Variants in MYO1F observed in about 807,000 individuals in gnomAD.
The protein encoded by MYO1F is myosin IF.
A neutral mutation model predicts 146.6 loss-of-function variants in MYO1F; 60 were observed. That is an observed-to-expected ratio of 0.41 (90% CI 0.33 to 0.51). The LOEUF (loss-of-function observed/expected upper bound fraction) is 0.51, where lower values mean the gene tolerates loss of function less well. Among genes scored for constraint, MYO1F ranks in the 20% least tolerant of loss-of-function variants. The probability of loss-of-function intolerance (pLI) is 0.25; values close to 1 mark genes in which losing one functional copy is unlikely to be tolerated. For synonymous variants in MYO1F, 602 were observed against 602.1 expected (o/e 1.00, Z 0.00); for missense variants, 1,274 against 1,534.3 (o/e 0.83, Z 2.83).
Position 8,544,396 on chromosome 19 carries a change from T to G in MYO1F, c.1425A>C (p.Ala475=). ...CATMHATGGG[A]DQTLLQKLQA... ...GCAGCTTCTGCAGCAGTGTCTGGTC[T>G]GCTCCCCCGCCCGTGGCGTGCATGG... The change falls in exon 14 of 28, where the codon GCA becomes GCC. Residue 475 remains alanine, a synonymous_variant. Coordinates refer to ENST00000644032, the MANE Select transcript of MYO1F (RefSeq NM_012335.4). 3.1e-6 allele frequency: 5 copies of G among 1,613,062 alleles called. No homozygotes were observed. The highest frequency in any genetic ancestry group is 4.2e-6 in the Non-Finnish European group (5 of 1,179,866).
chr19:8,568,447 T>TAAAAAAAA (rs2042049292), intron 1 of MYO1F, among the ~76,000 whole-genome samples: 3 of 100,662 alleles, frequency 3.0e-5, no homozygotes, highest in African/African-American at 8.3e-5. Context: ...AAAAAAAAAT[T>TAAAAAAAA]AATCACAGGC....
intron 1 of MYO1F, among the ~76,000 whole-genome samples, chr19:8,567,947 T>A (rs2049090537): frequency 6.6e-6 from 1 of 152,242 alleles, no homozygotes; most frequent in African/African-American, 2.4e-5. Context: ...TGGGGTCAGC[T>A]GTGTCTGGCT....
At chr19:8,545,207 C>A (rs770582024) in intron 13 of MYO1F, among the ~76,000 whole-genome samples, 5 of 152,118 alleles carry the variant, frequency 3.3e-5, no homozygotes, top group Non-Finnish European at 7.3e-5. Flanking sequence ...CCCACCTCAG[C>A]CTTCCGGGTA....
At chr19:8,539,465 G>A (rs1054363494) in intron 16 of MYO1F, among the ~76,000 whole-genome samples, 7 of 151,512 alleles carry the variant, frequency 4.6e-5, no homozygotes, top group South Asian at 2.1e-4. Flanking sequence ...GTGTGGTGGC[G>A]CATGCTTGTA....
At chr19:8,547,963 TA>T (rs1973437403) in intron 12 of MYO1F, 72 bp downstream of exon 12, 1 of 1,477,456 alleles carries the variant, frequency 6.8e-7, no homozygotes, top group East Asian at 2.3e-5. Context: ...CCCTAGTTGC[TA>T]AGGGATCCTC....
rs777308242 is a variant in MYO1F at position 8,550,667 on chromosome 19, G to T, written c.799C>A (p.Pro267Thr). ...LSAMQVIGIP[P>T]SIQQLVLQLV... ...TGCAGGACCAGCTGCTGGATGCTGGGCGGGATCCCAATAACCTGCATAGCA... is the reference window on the plus strand; with the variant it reads ...TGCAGGACCAGCTGCTGGATGCTGGTCGGGATCCCAATAACCTGCATAGCA... Residue 267 changes from proline (P) to threonine (T), a missense_variant, in exon 9 of 28, where the codon CCC becomes ACC. Coordinates refer to ENST00000644032, the MANE Select transcript of MYO1F (RefSeq NM_012335.4). The T allele has an allele frequency of 6.2e-7, 1 of 1,614,050 alleles. No homozygotes were observed. The highest frequency in any genetic ancestry group is 1.3e-5 in the African/African-American group (1 of 74,946).
intron 1 of MYO1F, among the ~76,000 whole-genome samples, chr19:8,566,447 G>T (rs1012852806): frequency 6.8e-6 from 1 of 146,410 alleles, no homozygotes; most frequent in Admixed American, 6.8e-5. Flanking sequence ...GATTACAGGC[G>T]TGAGCCACCG....
At chr19:8,561,231 G>C (rs150961153) in intron 1 of MYO1F, among the ~76,000 whole-genome samples, 285 of 152,152 alleles carry the variant, frequency 1.9e-3, no homozygotes, top group Non-Finnish European at 3.2e-3. Flanking sequence ...CACCAGTCAG[G>C]GTTAACTGTC....
At position 8,538,584 on chromosome 19, in the gene MYO1F, A is replaced by ATTT. The variant is rs79984981; in HGVS notation, c.1692+1360_1692+1362dup. 1.0e-2 allele frequency among the ~76,000 whole-genome samples: 1,262 copies of ATTT among 126,468 alleles called. 17 individuals are homozygous for ATTT. Among genetic ancestry groups the ATTT allele is most frequent in the African/African-American group, 0.033 (1,147 of 34,520 alleles). The allele number at this position is 126,468 out of a possible 152,430, so 83.0% of individuals were successfully genotyped here. A position where few individuals can be genotyped will look rare whatever the true frequency, so the allele number is the denominator to read the frequency against. On this transcript the variant is annotated intron_variant, in intron 16 of 27. Coordinates refer to ENST00000644032, the MANE Select transcript of MYO1F (RefSeq NM_012335.4). ...GGTGTGAGCCATTGCTCCCGGTCTG[A>ATTT]TTTTTTTTTTTTTTTTTTTTAAGAG...
In MYO1F at chr19:8,553,424, C is replaced by G; in HGVS notation, c.340G>C (p.Ala114Pro). The change falls in exon 5 of 28, where the codon GCT becomes CCT. Residue 114 changes from alanine (A) to proline (P), a missense_variant. Transcript: ENST00000644032. Reference sequence around the variant, plus strand: ...TATTTGGCTGCCACTGTCTTCCCAGCTCCACTCTCTCCACTGGGGATGAAT... The same window carrying G: ...TATTTGGCTGCCACTGTCTTCCCAGGTCCACTCTCTCCACTGGGGATGAAT... ...QCVIISGESG[A>P]GKTVAAKYIM... 1 of 1,613,958 alleles carries G rather than the reference C, an allele frequency of 6.2e-7. No homozygotes were observed. Among genetic ancestry groups the G allele is most frequent in the Non-Finnish European group, 8.5e-7 (1 of 1,179,832 alleles).
chr19:8,569,742 CAA>C, intron 1 of MYO1F, among the ~76,000 whole-genome samples: 1 of 152,232 alleles, frequency 6.6e-6, no homozygotes, highest in South Asian at 2.1e-4. Context: ...GTGGTGGCTG[CAA>C]GAGACATCAG....
At chr19:8,525,271 A>G (rs1236713716) in intron 25 of MYO1F, 3 of 487,090 alleles carry the variant, frequency 6.2e-6, no homozygotes, top group East Asian at 7.1e-5. Context: ...AGAAGATGTC[A>G]GTGGTTAGCT....
At chr19:8,526,687 G>C in intron 23 of MYO1F, 86 bp from the exon 24 acceptor site, 1 of 1,535,224 alleles carries the variant, frequency 6.5e-7, no homozygotes, top group East Asian at 2.4e-5. Flanking sequence ...GGGCGGGGCC[G>C]CGGCCGGGGC....
intron 1 of MYO1F, among the ~76,000 whole-genome samples, chr19:8,569,589 G>C (rs2042071962): frequency 6.6e-6 from 1 of 152,126 alleles, no homozygotes; most frequent in South Asian, 2.1e-4. Flanking sequence ...ACCAGGCCCA[G>C]AACCTGCCCT....
intron 1 of MYO1F, among the ~76,000 whole-genome samples, chr19:8,565,542 C>T (rs990866234): frequency 6.6e-6 from 1 of 151,578 alleles, no homozygotes. Flanking sequence ...AACTCTGTCT[C>T]GAAATAATAA....
At chr19:8,544,030 CGG>C in intron 14 of MYO1F, 1 of 290,032 alleles carries the variant, frequency 3.4e-6, no homozygotes, top group South Asian at 3.6e-5. Context: ...GTGGCGGTGG[CGG>C]TGGCGGTGCT....
intron 13 of MYO1F, 141 bp downstream of exon 13, chr19:8,545,509 G>A: frequency 1.3e-6 from 1 of 764,130 alleles, no homozygotes; most frequent in South Asian, 1.4e-5. Context: ...CATTTTGGTT[G>A]TTATCTGTCG....
At position 8,544,462 on chromosome 19, in the gene MYO1F, G is replaced by C. The variant is rs770942505; in HGVS notation, c.1359C>G (p.Ser453Arg). 4 of 1,608,254 alleles carry C rather than the reference G, an allele frequency of 2.5e-6. No individual in the cohort carries two copies. Residue 453 changes from serine (S) to arginine (R), a missense_variant and splice_region_variant, in exon 14 of 28, where the codon AGC becomes AGG. Transcript: ENST00000644032. ...VVCDLIENKL[S>R]PPGIMSVLDD... is the part of the protein sequence containing the mutation. ...CCAAGACGCTCATGATGCCTGGGGG[G>C]CTCTGCGGGGCGAGCGGGAGCCAGC...
intron 16 of MYO1F, 126 bp from the exon 17 acceptor site, chr19:8,537,181 T>G: frequency 1.4e-6 from 1 of 692,624 alleles, no homozygotes; most frequent in Non-Finnish European, 2.6e-6. Context: ...TGGTAACAGA[T>G]AAGCCACAGG....
Sources: gnomAD v4.1 joint callset for allele counts (sites outside exome capture counted in the v4.1 genomes callset) on GRCh38, gnomAD v4.1.1 for gene constraint, MANE v1.5 for transcripts, NCBI Gene and HGNC (gene_info 2026-07-23, HGNC 2026-07-21) for gene names.